NTM: variants seen among roughly 807,000 people sequenced by gnomAD.
NTM encodes IgLON family member 2.
A neutral mutation model predicts 42.1 loss-of-function variants in NTM; 13 were observed. The ratio of observed to expected loss-of-function variants is 0.31; its 90% CI spans 0.20 to 0.49. The LOEUF (loss-of-function observed/expected upper bound fraction) is 0.49, where lower values mean the gene tolerates loss of function less well. NTM is among the 20% of genes least tolerant of loss of function. The pLI, the probability that NTM is intolerant of heterozygous loss-of-function variation, is 0.99. For synonymous variants in NTM, 187 were observed against 179.2 expected (o/e 1.04, Z -0.35); for missense variants, 373 against 452.8 (o/e 0.82, Z 1.60).
At position 132,011,453 on chromosome 11, in the gene NTM, G is replaced by A. The variant is rs917570052; in HGVS notation, c.167+99805G>A. ...AAAGTCAGTGCCTCATCTTGAACTG[G>A]GTGAGCGGTCCCTAAACATTTGTTA... On this transcript the variant is annotated intron_variant, in intron 2 of 8. Transcript: ENST00000683400. 2.6e-5 allele frequency among the ~76,000 whole-genome samples: 4 copies of A among 152,114 alleles called. No homozygotes were observed. In the East Asian group the frequency reaches 5.8e-4, roughly 22 times the overall value.
intron 2 of NTM, among the ~76,000 whole-genome samples, chr11:131,978,528 C>T (rs2064758959): frequency 6.6e-6 from 1 of 152,064 alleles, no homozygotes; most frequent in Non-Finnish European, 1.5e-5. Context: ...AGTCTCTTCC[C>T]TATTTCCTAT....
intron 1 of NTM, among the ~76,000 whole-genome samples, chr11:131,511,261 G>T (rs576772520): frequency 1.3e-5 from 2 of 152,306 alleles, no homozygotes; most frequent in South Asian, 4.1e-4. Context: ...AGATTCAGGA[G>T]GAGCCAAGCC....
At chr11:131,461,019 A>G (rs1951325535) in intron 1 of NTM, among the ~76,000 whole-genome samples, 1 of 152,240 alleles carries the variant, frequency 6.6e-6, no homozygotes, top group African/African-American at 2.4e-5. Flanking sequence ...AACAATCAGT[A>G]CAAAATATTT....
chr11:131,698,749 G>A (rs770030434), intron 1 of NTM, among the ~76,000 whole-genome samples: 4 of 152,206 alleles, frequency 2.6e-5, no homozygotes, highest in Admixed American at 1.3e-4. Flanking sequence ...CCAGTGCCAG[G>A]CTTCCTTGTT....
At chr11:131,639,672 C>A (rs1320677125) in intron 1 of NTM, among the ~76,000 whole-genome samples, 1 of 152,026 alleles carries the variant, frequency 6.6e-6, no homozygotes, top group Non-Finnish European at 1.5e-5. Flanking sequence ...AAGTGAGTGG[C>A]CCTGGCCCGG....
chr11:132,009,495 G>A (rs990111234), intron 2 of NTM, among the ~76,000 whole-genome samples: 4 of 152,192 alleles, frequency 2.6e-5, no homozygotes, highest in African/African-American at 9.7e-5. Context: ...TGTCGTTTCT[G>A]GCACTGACAC....
chr11:132,334,818 C>T (rs958898586), intron 8 of NTM, among the ~76,000 whole-genome samples: 1 of 151,608 alleles, frequency 6.6e-6, no homozygotes, highest in East Asian at 1.9e-4. Context: ...TTAACCTGAG[C>T]CTCATGTTCT....
chr11:131,873,839 G>A (rs1469972410), intron 1 of NTM, among the ~76,000 whole-genome samples: 1 of 141,800 alleles, frequency 7.1e-6, no homozygotes, highest in Non-Finnish European at 1.5e-5. Context: ...CCCAGTGTGT[G>A]ATATTCCCCA....
At chr11:132,299,261 CT>C (rs1228978834) in intron 4 of NTM, among the ~76,000 whole-genome samples, 2 of 152,202 alleles carry the variant, frequency 1.3e-5, no homozygotes, top group African/African-American at 4.8e-5. Flanking sequence ...CGCCACTGCA[CT>C]CCAGCCTGGG....
intron 4 of NTM, among the ~76,000 whole-genome samples, chr11:132,270,403 A>G (rs1237824652): frequency 6.6e-6 from 1 of 151,796 alleles, no homozygotes; most frequent in African/African-American, 2.4e-5. Context: ...TAATTTTTGT[A>G]TTTTTAGTAG....
At chr11:131,498,780 G>A (rs746786799) in intron 1 of NTM, among the ~76,000 whole-genome samples, 1 of 152,206 alleles carries the variant, frequency 6.6e-6, no homozygotes, top group African/African-American at 2.4e-5. Context: ...GCCAGGAGGG[G>A]GTGGCCACTT....
chr11:131,690,730 G>C (rs2074559680), intron 1 of NTM, among the ~76,000 whole-genome samples: 1 of 152,218 alleles, frequency 6.6e-6, no homozygotes, highest in Non-Finnish European at 1.5e-5. Context: ...TGGGTGCTAA[G>C]CGTAGGCCGT....
intron 4 of NTM, among the ~76,000 whole-genome samples, chr11:132,300,676 C>G (rs1163065323): frequency 6.6e-6 from 1 of 152,300 alleles, no homozygotes; most frequent in African/African-American, 2.4e-5. Context: ...GTGGGTAGCT[C>G]CCATGTCCCC....
At chr11:131,899,832 T>C (rs1409724194) in intron 1 of NTM, among the ~76,000 whole-genome samples, 1 of 152,252 alleles carries the variant, frequency 6.6e-6, no homozygotes, top group Non-Finnish European at 1.5e-5. Flanking sequence ...GTTCACTCTA[T>C]CCTTATACAT....
chr11:131,719,538 TA>T (rs2078097649), intron 1 of NTM, among the ~76,000 whole-genome samples: 1 of 152,212 alleles, frequency 6.6e-6, no homozygotes, highest in Non-Finnish European at 1.5e-5. Flanking sequence ...CTTACTGTGG[TA>T]GAGGGAGCAA....
chr11:132,121,744 A>G (rs929820532), intron 2 of NTM, among the ~76,000 whole-genome samples: 16 of 152,188 alleles, frequency 1.1e-4, no homozygotes, highest in African/African-American at 3.6e-4. Context: ...CCTCTCTCGA[A>G]CCAGCCTAGA....
intron 1 of NTM, among the ~76,000 whole-genome samples, chr11:131,473,642 G>A (rs902049811): frequency 6.6e-5 from 10 of 152,150 alleles, no homozygotes; most frequent in Non-Finnish European, 8.8e-5. Flanking sequence ...GCTAGGAGAG[G>A]GAAAATGGAA....
chr11:131,784,098 A>T (rs567803508), intron 1 of NTM, among the ~76,000 whole-genome samples: 73 of 152,320 alleles, frequency 4.8e-4, no homozygotes, highest in African/African-American at 1.7e-3. Context: ...GCCTCTTCCC[A>T]CATTCTAGGA....
At chr11:132,330,530 C>T (rs1288487486) in intron 8 of NTM, among the ~76,000 whole-genome samples, 1 of 152,206 alleles carries the variant, frequency 6.6e-6, no homozygotes, top group Admixed American at 6.5e-5. Context: ...TCTTCTCAGA[C>T]CTTGGCCCTG....
Sources: allele counts gnomAD v4.1 joint callset (sites outside exome capture counted in the v4.1 genomes callset), GRCh38; gene constraint gnomAD v4.1.1; transcripts MANE v1.5; gene names NCBI Gene and HGNC (gene_info 2026-07-23, HGNC 2026-07-21).